MAGI2: variants seen among roughly 807,000 people sequenced by gnomAD.
MAGI2 encodes the protein membrane-associated guanylate kinase, WW and PDZ domain-containing protein 2.
MAGI2 carries 35 observed loss-of-function variants against 133.3 expected under a neutral mutation model. The observed-to-expected ratio is 0.26, with a 90% CI of 0.20 to 0.35. MAGI2 has a LOEUF of 0.35. Among genes scored for constraint, MAGI2 ranks in the 10% least tolerant of loss-of-function variants. The pLI is 1.00. For synonymous variants in MAGI2, 729 were observed against 710.6 expected, an observed-to-expected ratio of 1.03 and a Z score of -0.41; for missense variants, 1,636 against 1,863.4, an observed-to-expected ratio of 0.88 and a Z score of 2.25.
chr7:78,057,012 ATATTT>A (rs1485231047), intron 21 of MAGI2, among the ~76,000 whole-genome samples: 2 of 149,960 alleles, frequency 1.3e-5, no homozygotes, highest in Non-Finnish European at 3.0e-5. Context: ...GAGATCCTAT[ATATTT>A]TATATGTATA....
At chr7:78,833,775 A>G (rs935993213) in intron 2 of MAGI2, among the ~76,000 whole-genome samples, 4 of 152,182 alleles carry the variant, frequency 2.6e-5, no homozygotes, top group East Asian at 3.9e-4. Flanking sequence ...TTGTTGTACT[A>G]TACCCTGCCT....
intron 1 of MAGI2, among the ~76,000 whole-genome samples, chr7:79,233,923 C>T (rs1469649021): frequency 7.6e-4 from 115 of 150,922 alleles, no homozygotes; most frequent in Non-Finnish European, 1.3e-3. Flanking sequence ...GATTTTGCAG[C>T]GGCTAGTACT....
intron 1 of MAGI2, 132 bp downstream of exon 1, chr7:79,452,888 C>T: frequency 1.1e-6 from 1 of 951,792 alleles, no homozygotes; most frequent in Non-Finnish European, 1.5e-6. Context: ...ACTTGCACTG[C>T]GGGTGCTCTC....
intron 10 of MAGI2, among the ~76,000 whole-genome samples, chr7:78,239,719 C>T (rs575876243): frequency 1.3e-5 from 2 of 152,292 alleles, no homozygotes; most frequent in African/African-American, 4.8e-5. Context: ...TCGCCTCGCT[C>T]CTGTTAGAAT....
chr7:78,049,920 G>T (rs1245550924), intron 21 of MAGI2, among the ~76,000 whole-genome samples: 1 of 152,126 alleles, frequency 6.6e-6, no homozygotes, highest in African/African-American at 2.4e-5. Flanking sequence ...ATTGATATCT[G>T]TAATTTTCCA....
intron 1 of MAGI2, among the ~76,000 whole-genome samples, chr7:79,267,622 A>T (rs1036305260): frequency 2.0e-5 from 3 of 152,186 alleles, no homozygotes; most frequent in Admixed American, 6.6e-5. Context: ...CAGAAATCAA[A>T]ATTGGCTATA....
At chr7:79,357,839 AC>A (rs1454852805) in intron 1 of MAGI2, among the ~76,000 whole-genome samples, 1 of 152,310 alleles carries the variant, frequency 6.6e-6, no homozygotes, top group African/African-American at 2.4e-5. Flanking sequence ...CTATAAAAAA[AC>A]CTTGTCTCCT....
intron 2 of MAGI2, among the ~76,000 whole-genome samples, chr7:78,648,499 T>G (rs929012818): frequency 1.3e-5 from 2 of 152,220 alleles, no homozygotes; most frequent in Non-Finnish European, 2.9e-5. Flanking sequence ...TATCCAACAC[T>G]TTTTTCTTCA....
chr7:79,175,062 T>C (rs1452417351), intron 1 of MAGI2, among the ~76,000 whole-genome samples: 1 of 151,866 alleles, frequency 6.6e-6, no homozygotes, highest in Non-Finnish European at 1.5e-5. Context: ...TACCATTACT[T>C]GTAATGGTGC....
At chr7:78,626,059 C>G (rs1006605763) in intron 3 of MAGI2, among the ~76,000 whole-genome samples, 1 of 152,086 alleles carries the variant, frequency 6.6e-6, no homozygotes, top group Non-Finnish European at 1.5e-5. Flanking sequence ...ACGTGGCAAA[C>G]CCAGCTTATT....
chr7:78,592,840 T>C (rs1804171018), intron 3 of MAGI2, among the ~76,000 whole-genome samples: 1 of 143,894 alleles, frequency 6.9e-6, no homozygotes, highest in Admixed American at 6.9e-5. Context: ...TTTTTTTTTT[T>C]TTTTTTTTTT....
intron 3 of MAGI2, among the ~76,000 whole-genome samples, chr7:78,598,564 C>T (rs961963851): frequency 6.6e-6 from 1 of 152,016 alleles, no homozygotes; most frequent in African/African-American, 2.4e-5. Flanking sequence ...AGAAGGAACC[C>T]CAAAGGATTT....
intron 1 of MAGI2, among the ~76,000 whole-genome samples, chr7:79,149,687 A>G (rs1279881901): frequency 1.3e-5 from 2 of 152,154 alleles, no homozygotes; most frequent in Non-Finnish European, 2.9e-5. Context: ...GCCAAGATCC[A>G]GGGAACCTCA....
At chr7:78,401,067 G>GA (rs143961196) in intron 6 of MAGI2, among the ~76,000 whole-genome samples, 73 of 146,624 alleles carry the variant, frequency 5.0e-4, no homozygotes, top group East Asian at 1.0e-3. Context: ...CCATTCCTTT[G>GA]AAAAAAAAAA....
intron 2 of MAGI2, among the ~76,000 whole-genome samples, chr7:78,978,689 A>G (rs1271806479): frequency 2.0e-5 from 3 of 151,870 alleles, no homozygotes; most frequent in African/African-American, 7.2e-5. Flanking sequence ...CTATATGCAG[A>G]ATGTGACAAA....
intron 1 of MAGI2, among the ~76,000 whole-genome samples, chr7:79,247,463 A>C (rs1034607553): frequency 6.6e-6 from 1 of 152,090 alleles, no homozygotes; most frequent in Non-Finnish European, 1.5e-5. Context: ...AAAATAAAAA[A>C]TTCGCCATGC....
intron 2 of MAGI2, among the ~76,000 whole-genome samples, chr7:78,636,165 T>A (rs772970518): frequency 6.6e-6 from 1 of 152,178 alleles, no homozygotes; most frequent in Admixed American, 6.5e-5. Flanking sequence ...TTATAAAATA[T>A]TGAAGATTTG....
intron 21 of MAGI2, among the ~76,000 whole-genome samples, chr7:78,046,763 A>T (rs1811478727): frequency 6.6e-6 from 1 of 152,234 alleles, no homozygotes; most frequent in South Asian, 2.1e-4. Context: ...TTTGCAGATC[A>T]GGGAAGAACT....
At chr7:79,166,478 G>C (rs1206070943) in intron 1 of MAGI2, among the ~76,000 whole-genome samples, 3 of 152,074 alleles carry the variant, frequency 2.0e-5, no homozygotes, top group Non-Finnish European at 2.9e-5. Context: ...CTTGATTTCA[G>C]CCTGATGAGA....
Sources: allele counts gnomAD v4.1 joint callset (sites outside exome capture counted in the v4.1 genomes callset), GRCh38; gene constraint gnomAD v4.1.1; transcripts MANE v1.5; gene names NCBI Gene and HGNC (gene_info 2026-07-23, HGNC 2026-07-21).